Variants in ADARB2 observed in about 807,000 individuals in gnomAD.
ADARB2 encodes the protein adenosine deaminase RNA specific B2 (inactive), also known as inactive double-stranded RNA-specific editase B2.
ADARB2 carries 25 observed loss-of-function variants against 62.2 expected under a neutral mutation model. That is an observed-to-expected ratio of 0.40 (90% CI 0.29 to 0.56). ADARB2 has a LOEUF of 0.56. ADARB2 is among the 20% of genes least tolerant of loss of function. The probability of loss-of-function intolerance (pLI) is 0.43; values close to 1 mark genes in which losing one functional copy is unlikely to be tolerated. For missense variants in ADARB2, 1,071 were observed against 1,077.4 expected, an observed-to-expected ratio of 0.99 and a Z score of 0.08; for synonymous variants, 572 against 500.8, an observed-to-expected ratio of 1.14 and a Z score of -1.90.
chr10:1,294,316 G>T (rs1831504322), intron 3 of ADARB2, among the ~76,000 whole-genome samples: 2 of 152,172 alleles, frequency 1.3e-5, no homozygotes, highest in South Asian at 4.1e-4. Flanking sequence ...CAGTGTGTGT[G>T]CAAGAACAGA....
At chr10:1,413,198 G>C (rs992242821) in intron 1 of ADARB2, among the ~76,000 whole-genome samples, 1 of 152,254 alleles carries the variant, frequency 6.6e-6, no homozygotes, top group East Asian at 1.9e-4. Context: ...TGTATGGTGA[G>C]GGCGCAGGGC....
Position 1,633,111 on chromosome 10 carries a change from CCTGCTTCTT to C in ADARB2, c.100+103931_100+103939del, listed in dbSNP as rs1418027551. 1.4e-3 allele frequency among the ~76,000 whole-genome samples: 216 copies of C among 152,272 alleles called. 1 individual carries two copies. Among genetic ancestry groups the C allele is most frequent in the East Asian group, 1.4e-3 (7 of 5,164 alleles). On this transcript the variant is annotated intron_variant, in intron 1 of 9. Transcript: ENST00000381312. The stretch of plus-strand genomic sequence containing the variant: ...TTTTCCTGCTTCTCCTCCTGCTTCT[CCTGCTTCTT>C]CTGCCTCTGGACTCAGGCTAGGGCT...
chr10:1,390,584 G>T (rs1178941571), intron 1 of ADARB2, among the ~76,000 whole-genome samples: 1 of 152,216 alleles, frequency 6.6e-6, no homozygotes, highest in Non-Finnish European at 1.5e-5. Context: ...ATTAAATGAA[G>T]ATCTCTGCTA....
chr10:1,185,833 A>G (rs1047071440), intron 8 of ADARB2, among the ~76,000 whole-genome samples: 1 of 152,174 alleles, frequency 6.6e-6, no homozygotes, highest in Non-Finnish European at 1.5e-5. Context: ...CGGACCATAC[A>G]GTCCTTGCAG....
chr10:1,730,463 C>T (rs1327774695), intron 1 of ADARB2, among the ~76,000 whole-genome samples: 2 of 152,178 alleles, frequency 1.3e-5, no homozygotes, highest in African/African-American at 4.8e-5. Flanking sequence ...TGTTTAGTTA[C>T]ACAAACACGA....
At chr10:1,670,751 C>T (rs1391006452) in intron 1 of ADARB2, among the ~76,000 whole-genome samples, 6 of 152,248 alleles carry the variant, frequency 3.9e-5, no homozygotes. Flanking sequence ...GTGGGGCCAA[C>T]ACTACGGCTT....
At chr10:1,697,572 C>T (rs1234211837) in intron 1 of ADARB2, among the ~76,000 whole-genome samples, 1 of 152,228 alleles carries the variant, frequency 6.6e-6, no homozygotes, top group Admixed American at 6.5e-5. Context: ...AGAAGCCCCA[C>T]AGTTGATACT....
intron 1 of ADARB2, among the ~76,000 whole-genome samples, chr10:1,666,630 C>T (rs946779683): frequency 2.0e-5 from 3 of 152,230 alleles, no homozygotes; most frequent in Non-Finnish European, 4.4e-5. Context: ...GAAACCGTCT[C>T]ATCAACATTC....
At chr10:1,436,506 C>T (rs563390722) in intron 1 of ADARB2, among the ~76,000 whole-genome samples, 1 of 152,232 alleles carries the variant, frequency 6.6e-6, no homozygotes, top group South Asian at 2.1e-4. Flanking sequence ...CTGGGTTATT[C>T]TTCATACGAT....
At position 1,392,378 on chromosome 10, in the gene ADARB2, C is replaced by G. The variant is rs564864206; in HGVS notation, c.101-13218G>C. Among the ~76,000 whole-genome samples, 20 of 152,298 alleles carry G rather than the reference C, an allele frequency of 1.3e-4. No individual in the cohort carries two copies. The South Asian group carries it at 4.1e-3, about 32-fold the overall frequency. On this transcript the variant is annotated intron_variant, in intron 1 of 9. Coordinates refer to ENST00000381312, the MANE Select transcript of ADARB2 (RefSeq NM_018702.4). ...CTCATGTTTTCCTTTTGCCAAAACACGCTCTGACAGATGGCCTCCCTCAGG... is the reference window on the plus strand; with the variant it reads ...CTCATGTTTTCCTTTTGCCAAAACAGGCTCTGACAGATGGCCTCCCTCAGG...
intron 1 of ADARB2, among the ~76,000 whole-genome samples, chr10:1,454,329 A>G (rs1831072826): frequency 6.6e-6 from 1 of 152,234 alleles, no homozygotes; most frequent in South Asian, 2.1e-4. Context: ...GGGTGGGAAC[A>G]CAGAGCCAAA....
rs548265193 is a variant in ADARB2 at position 1,573,390 on chromosome 10, C to T, written c.100+163661G>A. ...AAAAGGGCCTTCCCCCATTTCTCCT[C>T]ATGTCACAGAAGAGCTTGGGGATGT... On this transcript the variant is annotated intron_variant, in intron 1 of 9. Coordinates refer to ENST00000381312, the MANE Select transcript of ADARB2 (RefSeq NM_018702.4). Among the ~76,000 whole-genome samples, 5 of 152,298 alleles carry T rather than the reference C, an allele frequency of 3.3e-5. No individual in the cohort carries two copies. The East Asian group carries it at 5.8e-4, about 18-fold the overall frequency.
chr10:1,708,044 G>A (rs999908939), intron 1 of ADARB2, among the ~76,000 whole-genome samples: 2 of 152,236 alleles, frequency 1.3e-5, no homozygotes, highest in African/African-American at 4.8e-5. Context: ...GGTAGCTTGT[G>A]CTCACATGAG....
chr10:1,699,205 C>A (rs929203324), intron 1 of ADARB2, among the ~76,000 whole-genome samples: 1 of 151,920 alleles, frequency 6.6e-6, no homozygotes, highest in Non-Finnish European at 1.5e-5. Context: ...CCAATACACG[C>A]AATCCCACTC....
chr10:1,663,396 A>G (rs1834273643), intron 1 of ADARB2, among the ~76,000 whole-genome samples: 1 of 152,196 alleles, frequency 6.6e-6, no homozygotes, highest in Non-Finnish European at 1.5e-5. Flanking sequence ...GCGCTGCTAC[A>G]GAGCGCTGCC....
rs535094070 is a variant in ADARB2, at chr10:1,467,952, C to T, written c.101-88792G>A. On this transcript the variant is annotated intron_variant, in intron 1 of 9. Transcript: ENST00000381312. ...GCTACAATTCTAAATGCTCCCCCAC[C>T]GCAGGGATTGAAACGTTCTTCCTAT... Among the ~76,000 whole-genome samples the T allele has an allele frequency of 1.8e-3, 280 of 152,216 alleles. 5 individuals are homozygous for T. Among genetic ancestry groups the T allele is most frequent in the Non-Finnish European group, 7.9e-4 (54 of 68,018 alleles).
intron 1 of ADARB2, among the ~76,000 whole-genome samples, chr10:1,577,044 T>C (rs2813375): frequency 0.32 from 48,138 of 152,088 alleles, 7,817 homozygotes; most frequent in African/African-American, 0.36. Context: ...CCATGGCTGA[T>C]TGAACAGATT....
Position 1,398,184 on chromosome 10 carries a change from G to T in ADARB2, c.101-19024C>A, listed in dbSNP as rs914618993. 1.4e-5 allele frequency among the ~76,000 whole-genome samples: 2 copies of T among 145,858 alleles called. No homozygotes were observed. The highest frequency in any genetic ancestry group is 3.0e-5 in the Non-Finnish European group (2 of 66,856). On this transcript the variant is annotated intron_variant, in intron 1 of 9. Transcript: ENST00000381312. This position sits in a 1 kb window ranked among gnomAD's most constrained non-coding sequence, Gnocchi z 4.1. ...GGTCACCGTCCTCCTCTCCCGTCCC[G>T]AGTGCAGGCTTCCTGGGTCACCATC...
intron 3 of ADARB2, among the ~76,000 whole-genome samples, chr10:1,338,241 C>T (rs907318597): frequency 4.6e-5 from 7 of 152,246 alleles, no homozygotes; most frequent in South Asian, 2.1e-4. Flanking sequence ...AGTGTTTAAC[C>T]GAACATAGCT....
Sources: allele counts gnomAD v4.1 joint callset (sites outside exome capture counted in the v4.1 genomes callset), GRCh38; gene constraint gnomAD v4.1.1; non-coding constraint Gnocchi (gnomAD v3.1); transcripts MANE v1.5; gene names NCBI Gene and HGNC (gene_info 2026-07-23, HGNC 2026-07-21).